RERE: variants seen among roughly 807,000 people sequenced by gnomAD.
The protein encoded by RERE is arginine-glutamic acid dipeptide repeats.
Under a neutral mutation model 146.1 loss-of-function variants are expected in RERE, and 40 were observed. The observed-to-expected ratio is 0.27, with a 90% CI of 0.21 to 0.36. The LOEUF is 0.36. Ranked by LOEUF, RERE falls within the 10% of genes least tolerant of loss-of-function variation. The pLI is 1.00. For synonymous variants in RERE, 1,003 were observed against 866.0 expected (o/e 1.16, Z -2.78); for missense variants, 1,933 against 2,138.7 (o/e 0.90, Z 1.90).
chr1:8,707,331 T>TC (rs1236058455), intron 1 of RERE, among the ~76,000 whole-genome samples: 1 of 152,040 alleles, frequency 6.6e-6, no homozygotes, highest in Admixed American at 6.6e-5. Context: ...ACCAGAAACA[T>TC]CACACAGGGG....
chr1:8,375,906 TTA>T (rs1399998445), intron 12 of RERE, among the ~76,000 whole-genome samples: 3 of 152,282 alleles, frequency 2.0e-5, no homozygotes, highest in Non-Finnish European at 4.4e-5. Flanking sequence ...CCATATCTTT[TTA>T]TATCTTAATA....
intron 5 of RERE, among the ~76,000 whole-genome samples, chr1:8,557,038 A>G (rs1430119228): frequency 1.4e-5 from 2 of 143,642 alleles, no homozygotes; most frequent in South Asian, 2.2e-4. Flanking sequence ...TCAAAGAAGG[A>G]AAAAAAAAAA....
intron 7 of RERE, among the ~76,000 whole-genome samples, chr1:8,516,227 G>GAAAAAAAAAAAAAAAAAAAAGAAAAA (rs1645414321): frequency 1.9e-5 from 1 of 52,304 alleles, no homozygotes; most frequent in South Asian, 7.6e-4. Context: ...TCTCTCAGAG[G>GAAAAAAAAAAAAAAAAAAAAGAAAAA]AAAAAAAAAA....
chr1:8,612,340 G>A (rs1383742718), intron 4 of RERE, among the ~76,000 whole-genome samples: 1 of 152,082 alleles, frequency 6.6e-6, no homozygotes, highest in African/African-American at 2.4e-5. Context: ...TTTGCCAACT[G>A]GATCTGATTC....
intron 1 of RERE, among the ~76,000 whole-genome samples, chr1:8,808,815 A>G (rs1377843718): frequency 6.6e-6 from 1 of 152,138 alleles, no homozygotes; most frequent in African/African-American, 2.4e-5. Flanking sequence ...TCAAAATTTG[A>G]GGCTGGACCA....
chr1:8,531,107 GTCCA>G (rs200605582), intron 7 of RERE, among the ~76,000 whole-genome samples: 13 of 150,396 alleles, frequency 8.6e-5, no homozygotes, highest in South Asian at 4.2e-4. Context: ...CTATCTATCT[GTCCA>G]TCCATCCATC....
chr1:8,638,098 T>A (rs566024471), intron 2 of RERE, among the ~76,000 whole-genome samples: 8 of 152,330 alleles, frequency 5.3e-5, no homozygotes, highest in Admixed American at 5.2e-4. Context: ...CTTAAATAAA[T>A]TTTTTAATGT....
At chr1:8,754,440 G>A (rs1202351686) in intron 1 of RERE, among the ~76,000 whole-genome samples, 1 of 152,202 alleles carries the variant, frequency 6.6e-6, no homozygotes, top group Non-Finnish European at 1.5e-5. Context: ...ACTTTAAAAA[G>A]CAACATTATG....
At chr1:8,371,775 C>T (rs1433218435) in intron 12 of RERE, among the ~76,000 whole-genome samples, 1 of 152,166 alleles carries the variant, frequency 6.6e-6, no homozygotes, top group East Asian at 1.9e-4. Flanking sequence ...TGCCTACCTC[C>T]TAGAGGCTGC....
intron 11 of RERE, chr1:8,465,137 CGTAA>C: frequency 6.5e-6 from 1 of 152,838 alleles, no homozygotes; most frequent in East Asian, 1.9e-4. Context: ...ACAAGAAATC[CGTAA>C]GTCGTTTACA....
intron 1 of RERE, among the ~76,000 whole-genome samples, chr1:8,734,517 G>A (rs542592586): frequency 1.3e-5 from 2 of 152,294 alleles, no homozygotes; most frequent in Admixed American, 1.3e-4. Context: ...GCAGGCTCAT[G>A]AGGCAGCACA....
intron 1 of RERE, among the ~76,000 whole-genome samples, chr1:8,731,533 A>C (rs1433402057): frequency 6.6e-6 from 1 of 152,056 alleles, no homozygotes; most frequent in African/African-American, 2.4e-5. Context: ...ATTTAATATT[A>C]GATTACAGAA....
intron 12 of RERE, among the ~76,000 whole-genome samples, chr1:8,404,967 C>T (rs924262301): frequency 6.6e-6 from 1 of 152,202 alleles, no homozygotes; most frequent in Non-Finnish European, 1.5e-5. Context: ...TGCCACTTCT[C>T]TGACTCTGGA....
Position 8,439,841 on chromosome 1 carries a change from G to A in RERE, c.1204-17034C>T, listed in dbSNP as rs573355389. Among the ~76,000 whole-genome samples, 12 of 152,320 alleles carry A rather than the reference G, an allele frequency of 7.9e-5. No homozygotes were observed. The South Asian group carries it at 2.5e-3, about 32-fold the overall frequency. On this transcript the variant is annotated intron_variant, in intron 11 of 22. Coordinates refer to ENST00000400908, the MANE Select transcript of RERE (RefSeq NM_001042681.2). ...TAATCCCAGCACTTTGGGAGGCCGA[G>A]GTGGGTGGATCACCTGAGGTCAAAA...
rs1188304342 is a variant in RERE at position 8,358,533 on chromosome 1, C to A, written c.4002G>T (p.Leu1334=). The A allele has an allele frequency of 6.2e-7, 1 of 1,600,722 alleles. No individual in the cohort carries two copies. Among genetic ancestry groups the A allele is most frequent in the Non-Finnish European group, 8.5e-7 (1 of 1,174,460 alleles). ...KPGFEVKPPE[L]DPLHPAANPM... ...GGTTGGCGGCTGGGTGCAGGGGGTC[C>A]AGCTCTGGGGGCTTCACCTCGAAGC... The change falls in exon 20 of 23, where the codon CTG becomes CTT. Residue 1334 remains leucine (L), a synonymous_variant. Transcript: ENST00000400908.
At position 8,354,871 on chromosome 1, in the gene RERE, G is replaced by T. The variant is rs1641225410; in HGVS notation, c.*216C>A. 1.7e-6 allele frequency: 1 copy of T among 579,030 alleles called. No individual in the cohort carries two copies. The highest frequency in any genetic ancestry group is 3.0e-6 in the Non-Finnish European group (1 of 330,070). 35.9% of individuals were successfully genotyped at this position (579,030 alleles called of 1,614,324 possible). A position where few individuals can be genotyped will look rare whatever the true frequency, so the allele number is the denominator to read the frequency against. On this transcript the variant is annotated 3_prime_UTR_variant, in exon 23 of 23. Coordinates refer to ENST00000400908, the MANE Select transcript of RERE (RefSeq NM_001042681.2). ...TCCAGGACTCACTAAGTTTCTGGGG[G>T]ACTGTCATGCAGGGAGATCCAAACC...
intron 1 of RERE, among the ~76,000 whole-genome samples, chr1:8,811,071 A>G (rs1431068458): frequency 6.6e-6 from 1 of 152,240 alleles, no homozygotes; most frequent in Non-Finnish European, 1.5e-5. Context: ...CAAAATCAAC[A>G]ATAGCCGCCA....
intron 11 of RERE, among the ~76,000 whole-genome samples, chr1:8,456,343 T>A (rs773709993): frequency 6.6e-6 from 1 of 152,232 alleles, no homozygotes; most frequent in Non-Finnish European, 1.5e-5. Context: ...GGTACACTTT[T>A]CTTTCCAGGT....
chr1:8,596,021 A>C (rs1421537214), intron 4 of RERE, among the ~76,000 whole-genome samples: 4 of 152,208 alleles, frequency 2.6e-5, no homozygotes. Flanking sequence ...CACCACCTGG[A>C]CTCTACTGAT....
Sources: allele counts gnomAD v4.1 joint callset (sites outside exome capture counted in the v4.1 genomes callset), GRCh38; gene constraint gnomAD v4.1.1; transcripts MANE v1.5; gene names NCBI Gene and HGNC (gene_info 2026-07-23, HGNC 2026-07-21).